SEMA3C: variants seen among roughly 807,000 people sequenced by gnomAD.
SEMA3C encodes semaphorin 3C.
In SEMA3C, 47 loss-of-function variants were observed where a neutral mutation model predicts 89.4. The observed-to-expected ratio is 0.53, with a 90% CI of 0.42 to 0.67. The LOEUF (loss-of-function observed/expected upper bound fraction) is 0.67. Ranked by LOEUF, SEMA3C falls within the 30% of genes least tolerant of loss-of-function variation. SEMA3C has a pLI of 0.00. For missense variants in SEMA3C, 839 were observed against 929.1 expected (o/e 0.90, Z 1.26); for synonymous variants, 310 against 320.2 (o/e 0.97, Z 0.34).
At chr7:80,804,311 A>G (rs1454072790) in intron 7 of SEMA3C, 63 bp from the exon 8 acceptor site, 1 of 1,205,878 alleles carries the variant, frequency 8.3e-7, no homozygotes, top group Admixed American at 2.7e-5. Context: ...CTGTCATCCA[A>G]GTAGACCACA....
upstream of SEMA3C, chr7:80,922,232 G>T (rs768550794): frequency 1.6e-4 from 206 of 1,285,186 alleles, 1 homozygote; most frequent in Middle Eastern, 1.9e-3. Flanking sequence ...TAATGTCTCA[G>T]GTTTTTCAAT....
At chr7:80,882,764 C>T (rs925650081) in intron 2 of SEMA3C, among the ~76,000 whole-genome samples, 8 of 151,414 alleles carry the variant, frequency 5.3e-5, no homozygotes, top group African/African-American at 1.7e-4. Context: ...TTTTGTAAGT[C>T]CTATAATACA....
chr7:80,832,730 A>C (rs1181391726), intron 2 of SEMA3C, among the ~76,000 whole-genome samples: 3 of 152,202 alleles, frequency 2.0e-5, no homozygotes, highest in African/African-American at 4.8e-5. Context: ...GCAAGCAGAA[A>C]TGTAGAAAAA....
chr7:80,803,011 A>C (rs2115674562), intron 8 of SEMA3C, among the ~76,000 whole-genome samples: 2 of 152,310 alleles, frequency 1.3e-5, no homozygotes, highest in Middle Eastern at 6.8e-3. Context: ...CATTTATTTG[A>C]TAAATGTGTG....
intron 2 of SEMA3C, among the ~76,000 whole-genome samples, chr7:80,879,715 G>A (rs1383537142): frequency 6.6e-6 from 1 of 152,100 alleles, no homozygotes; most frequent in Non-Finnish European, 1.5e-5. Flanking sequence ...TATATTTAGT[G>A]ATATATTAGC....
In SEMA3C at chr7:80,868,512, G is replaced by A. The variant is rs569333039; in HGVS notation, c.104-39767C>T. On this transcript the variant is annotated intron_variant, in intron 2 of 17. Coordinates refer to ENST00000265361, the MANE Select transcript of SEMA3C (RefSeq NM_006379.5). ...TCGAACTCCTGACCTCAAGTGATCCGCCTGCCTCAGCCTCCCAAAGCCTTG... is the reference window on the plus strand; with the variant it reads ...TCGAACTCCTGACCTCAAGTGATCCACCTGCCTCAGCCTCCCAAAGCCTTG... 1.7e-3 allele frequency among the ~76,000 whole-genome samples: 261 copies of A among 152,062 alleles called. 9 individuals carry two copies. The highest frequency in any genetic ancestry group is 0.017 in the South Asian group (80 of 4,814).
At chr7:80,778,151 A>C (rs1424017496) in intron 12 of SEMA3C, among the ~76,000 whole-genome samples, 3 of 152,246 alleles carry the variant, frequency 2.0e-5, no homozygotes, top group African/African-American at 7.2e-5. Context: ...TGATATAGCT[A>C]AAGAATATTC....
chr7:80,902,945 G>A (rs895119924), intron 2 of SEMA3C, among the ~76,000 whole-genome samples: 7 of 152,132 alleles, frequency 4.6e-5, no homozygotes, highest in Non-Finnish European at 1.0e-4. Flanking sequence ...TAAGAAGAAC[G>A]GTAAGAGCAT....
intron 2 of SEMA3C, among the ~76,000 whole-genome samples, chr7:80,900,292 T>G (rs769528013): frequency 9.9e-5 from 15 of 151,988 alleles, no homozygotes; most frequent in Non-Finnish European, 2.1e-4. Flanking sequence ...TTTTTGTATT[T>G]TTAGGAGAGA....
chr7:80,835,110 A>G (rs1350350706), intron 2 of SEMA3C, among the ~76,000 whole-genome samples: 5 of 152,112 alleles, frequency 3.3e-5, no homozygotes, highest in African/African-American at 1.2e-4. Context: ...AAATAGGTAA[A>G]AGACTCCTTG....
At chr7:80,862,390 CAA>C (rs1790793273) in intron 2 of SEMA3C, among the ~76,000 whole-genome samples, 1 of 151,962 alleles carries the variant, frequency 6.6e-6, no homozygotes, top group Non-Finnish European at 1.5e-5. Context: ...ACCAAGGAGT[CAA>C]AAGACCTCTA....
intron 2 of SEMA3C, among the ~76,000 whole-genome samples, chr7:80,831,344 G>T (rs1790005096): frequency 6.6e-6 from 1 of 152,138 alleles, no homozygotes; most frequent in South Asian, 2.1e-4. Flanking sequence ...TTGGGTTGTT[G>T]TGAAGTTTAA....
chr7:80,907,122 AG>A (rs1792033832), intron 2 of SEMA3C, among the ~76,000 whole-genome samples: 1 of 152,160 alleles, frequency 6.6e-6, no homozygotes, highest in Non-Finnish European at 1.5e-5. Context: ...CAGTCACATC[AG>A]CAGGTTTTGA....
At chr7:80,761,583 T>C in intron 14 of SEMA3C, 33 bp downstream of exon 14, 1 of 1,123,932 alleles carries the variant, frequency 8.9e-7, no homozygotes, top group Non-Finnish European at 1.3e-6. Context: ...AACATTTCAA[T>C]AAGCAAAGAA....
intron 5 of SEMA3C, among the ~76,000 whole-genome samples, chr7:80,817,416 T>G (rs1789634263): frequency 6.6e-6 from 1 of 152,160 alleles, no homozygotes; most frequent in Non-Finnish European, 1.5e-5. Flanking sequence ...CTTTCTATAT[T>G]TAAGTTGCAT....
At chr7:80,907,456 G>C (rs1009264944) in intron 2 of SEMA3C, among the ~76,000 whole-genome samples, 2 of 151,958 alleles carry the variant, frequency 1.3e-5, no homozygotes, top group African/African-American at 4.8e-5. Flanking sequence ...GGAATGTTTT[G>C]AGCATTACTG....
chr7:80,903,030 T>A (rs1195389831), intron 2 of SEMA3C, among the ~76,000 whole-genome samples: 1 of 152,216 alleles, frequency 6.6e-6, no homozygotes. Context: ...CTATTTTGGT[T>A]CTTTCTGCTC....
At chr7:80,919,577 GTT>G (rs1178867691), upstream of SEMA3C, among the ~76,000 whole-genome samples, 1 of 142,412 alleles carries the variant, frequency 7.0e-6, no homozygotes, top group African/African-American at 2.8e-5. Context: ...TTTGTTTTTT[GTT>G]TTTTGTTTTT....
chr7:80,921,527 T>C (rs989046329), upstream of SEMA3C, among the ~76,000 whole-genome samples: 1 of 152,170 alleles, frequency 6.6e-6, no homozygotes, highest in Non-Finnish European at 1.5e-5. Context: ...TTCTGGGCAC[T>C]ACCACTTTTT....
Sources: gnomAD v4.1 joint callset for allele counts (sites outside exome capture counted in the v4.1 genomes callset) on GRCh38, gnomAD v4.1.1 for gene constraint, MANE v1.5 for transcripts, NCBI Gene and HGNC (gene_info 2026-07-23, HGNC 2026-07-21) for gene names.